Variants in STKLD1 observed in about 807,000 individuals in gnomAD.
STKLD1 encodes the protein serine/threonine kinase like domain containing 1.
Under a neutral mutation model 80.4 loss-of-function variants are expected in STKLD1, and 79 were observed. That is an observed-to-expected ratio of 0.98 (90% CI 0.82 to 1.19). The LOEUF is 1.19. Among genes scored for constraint, STKLD1 ranks in the 50% most tolerant of loss-of-function variants. STKLD1 has a pLI of 0.00. For missense variants in STKLD1, 841 were observed against 856.0 expected, an observed-to-expected ratio of 0.98 and a Z score of 0.22; for synonymous variants, 393 against 357.6, an observed-to-expected ratio of 1.10 and a Z score of -1.12.
In STKLD1 at chr9:133,395,623, G is replaced by A. The variant is rs782767607; in HGVS notation, c.726G>A (p.Arg242=). ...FMDGTEAMHL[R]KSLRQSPGSL... Reference sequence around the variant, plus strand: ...AGGGCACAGAAGCCATGCATCTGCGGAAGTCCCTCCGCCAGAGCCCAGGCA... The same window carrying A: ...AGGGCACAGAAGCCATGCATCTGCGAAAGTCCCTCCGCCAGAGCCCAGGCA... The change falls in exon 9 of 18, where the codon CGG becomes CGA. Residue 242 remains arginine, a synonymous_variant. Coordinates refer to ENST00000371957, the MANE Select transcript of STKLD1 (RefSeq NM_153710.5). 3 of 1,612,964 alleles carry A rather than the reference G, an allele frequency of 1.9e-6. No homozygotes were observed. The highest frequency in any genetic ancestry group is 2.5e-6 in the Non-Finnish European group (3 of 1,179,972).
At position 133,398,027 on chromosome 9, in the gene STKLD1, G is replaced by A. The variant is rs1554776999; in HGVS notation, c.1053G>A (p.Arg351=). ...WPEVQLRAMK[R]LLKMPADQLG... ...AAGTCCAGCTCAGGGCCATGAAGAG[G>A]CTTCTGAAAATGCCTGCAGATCAGC... The change falls in exon 11 of 18, where the codon AGG becomes AGA. Residue 351 remains arginine, a synonymous_variant. Transcript: ENST00000371957. The A allele has an allele frequency of 6.2e-7, 1 of 1,613,498 alleles. No individual in the cohort carries two copies. Among genetic ancestry groups the A allele is most frequent in the African/African-American group, 1.3e-5 (1 of 74,924 alleles).
chr9:133,396,949 A>G (rs1402056763), intron 9 of STKLD1, among the ~76,000 whole-genome samples: 3 of 152,150 alleles, frequency 2.0e-5, no homozygotes, highest in Non-Finnish European at 4.4e-5. Context: ...CCCTGCCTCC[A>G]TGGAGTACGT....
intron 2 of STKLD1, among the ~76,000 whole-genome samples, chr9:133,380,334 C>T (rs887050553): frequency 2.0e-5 from 3 of 152,206 alleles, no homozygotes; most frequent in Admixed American, 6.5e-5. Context: ...CATGAGCCAC[C>T]GCGTCCGGCC....
chr9:133,402,059 T>G (rs1554777785), intron 13 of STKLD1, among the ~76,000 whole-genome samples, 181 bp downstream of exon 13: 1 of 152,184 alleles, frequency 6.6e-6, no homozygotes, highest in Non-Finnish European at 1.5e-5. Flanking sequence ...TCGCATCCTT[T>G]TCCATCTTGA....
At chr9:133,393,414 A>G (rs114667516) in intron 7 of STKLD1, among the ~76,000 whole-genome samples, 16,543 of 114,176 alleles carry the variant, frequency 0.14, 1,231 homozygotes, top group African/African-American at 0.26. Context: ...GTGTGTGGTT[A>G]GAGGGATGGG....
chr9:133,401,972 G>C (rs1838718420), intron 13 of STKLD1, 94 bp downstream of exon 13: 2 of 1,504,546 alleles, frequency 1.3e-6, no homozygotes, highest in South Asian at 2.5e-5. Flanking sequence ...AGGTGGGTTG[G>C]ACAGGACAGT....
At chr9:133,400,632 G>A in intron 12 of STKLD1, 103 bp downstream of exon 12, 2 of 925,854 alleles carry the variant, frequency 2.2e-6, no homozygotes, top group Non-Finnish European at 3.5e-6. Flanking sequence ...TGGGTTAGGG[G>A]AAGCCATGCC....
At chr9:133,397,914 A>C in intron 10 of STKLD1, 58 bp from the exon 11 acceptor site, 1 of 1,457,038 alleles carries the variant, frequency 6.9e-7, no homozygotes, top group Non-Finnish European at 9.5e-7. Flanking sequence ...GCCGAGAAAC[A>C]GAGCCCCGAG....
intron 7 of STKLD1, among the ~76,000 whole-genome samples, chr9:133,392,583 GTGGATGGATGGATGGATGGGTGGATGGA>G (rs1838426743): frequency 1.1e-5 from 1 of 89,422 alleles, no homozygotes; most frequent in Non-Finnish European, 2.2e-5. Context: ...GGATGGATGA[GTGGATGGATGGATGGATGGGTGGATGGA>G]TGGATGGATG....
At chr9:133,386,211 G>GC (rs1264013965) in intron 4 of STKLD1, among the ~76,000 whole-genome samples, 1 of 152,186 alleles carries the variant, frequency 6.6e-6, no homozygotes, top group Non-Finnish European at 1.5e-5. Flanking sequence ...GAGCCACCAC[G>GC]CCTGACCAGG....
chr9:133,393,431 G>A lies in STKLD1; in HGVS notation c.584-860G>A, dbSNP rs867063510. On this transcript the variant is annotated intron_variant, in intron 7 of 17. Transcript: ENST00000371957. ...GTGTGGTTAGAGGGATGGGTGTGTG[G>A]GTGGATGGGTGAGTGCATGGGTTGT... Among the ~76,000 whole-genome samples the A allele has an allele frequency of 1.6e-4, 24 of 148,778 alleles. No individual in the cohort carries two copies. The South Asian group carries it at 4.8e-3, about 30-fold the overall frequency.
rs1229347771 is a variant in STKLD1 at position 133,400,435 on chromosome 9, G to T, written c.1104G>T (p.Leu368=). 6.2e-7 allele frequency: 1 copy of T among 1,612,880 alleles called. No homozygotes were observed. Among genetic ancestry groups the T allele is most frequent in the African/African-American group, 1.3e-5 (1 of 74,926 alleles). ...DQLGLPWPPE[L]VEVVVTTMEL... ...CAGGTCTGCCGTGGCCCCCGGAGCT[G>T]GTGGAGGTGGTGGTCACGACCATGG... is the stretch of plus-strand genomic sequence containing the variant. The change falls in exon 12 of 18, where the codon CTG becomes CTT. Residue 368 remains leucine, a synonymous_variant. Transcript: ENST00000371957.
At position 133,401,728 on chromosome 9, in the gene STKLD1, G is replaced by T; in HGVS notation, c.1199-10G>T. ...GGCTAACCCCAGGCGTCTTCCTCTG[G>T]CTTGAGCAGCGCTGGTGCACCACCC... is the stretch of plus-strand genomic sequence containing the variant. On this transcript the variant is annotated splice_polypyrimidine_tract_variant and intron_variant, in intron 12 of 17. Transcript: ENST00000371957. The T allele has an allele frequency of 6.2e-7, 1 of 1,609,820 alleles. No homozygotes were observed.
At position 133,389,471 on chromosome 9, in the gene STKLD1, C is replaced by T; in HGVS notation, c.397-55C>T. On this transcript the variant is annotated intron_variant, in intron 5 of 17. Transcript: ENST00000371957. The surrounding 1 kb of genome is among the most constrained non-coding windows in gnomAD (Gnocchi z 6.4). The stretch of plus-strand genomic sequence containing the variant: ...GCTGGCTGCTCTGAGTGTCACCCCC[C>T]TGAAAGCAGCACAGGGTGCCCCTCC... The T allele has an allele frequency of 6.3e-7, 1 of 1,598,044 alleles. No homozygotes were observed. The highest frequency in any genetic ancestry group is 8.5e-7 in the Non-Finnish European group (1 of 1,172,768).
chr9:133,391,851 AAAAAG>A (rs1298122840), intron 7 of STKLD1, among the ~76,000 whole-genome samples: 1 of 151,612 alleles, frequency 6.6e-6, no homozygotes, highest in Non-Finnish European at 1.5e-5. Context: ...TAAAAAAAAA[AAAAAG>A]AAAGAAAATG....
intron 1 of STKLD1, among the ~76,000 whole-genome samples, chr9:133,377,125 T>C (rs1163519170): frequency 2.0e-4 from 30 of 152,324 alleles, no homozygotes; most frequent in Admixed American, 2.0e-3. Context: ...TTTGGAAGAA[T>C]TGTCTTTGTG....
chr9:133,399,420 C>T (rs1333640068), intron 11 of STKLD1, among the ~76,000 whole-genome samples: 1 of 152,210 alleles, frequency 6.6e-6, no homozygotes, highest in Admixed American at 6.5e-5. Context: ...CCCTCCCCTC[C>T]TCCTCTTCGA....
intron 1 of STKLD1, among the ~76,000 whole-genome samples, chr9:133,377,438 G>T (rs1838009244): frequency 6.6e-6 from 1 of 152,214 alleles, no homozygotes; most frequent in South Asian, 2.1e-4. Flanking sequence ...GGCCAAGGCG[G>T]GCGGATCACC....
chr9:133,381,035 T>G (rs916621817), intron 2 of STKLD1, among the ~76,000 whole-genome samples: 1 of 152,074 alleles, frequency 6.6e-6, no homozygotes, highest in Non-Finnish European at 1.5e-5. Context: ...ATGGTTTTGT[T>G]TGTTTTTTTG....
Sources: gnomAD v4.1 joint callset for allele counts (sites outside exome capture counted in the v4.1 genomes callset) on GRCh38, gnomAD v4.1.1 for gene constraint, Gnocchi (gnomAD v3.1) non-coding constraint, MANE v1.5 for transcripts, NCBI Gene and HGNC (gene_info 2026-07-23, HGNC 2026-07-21) for gene names.